The following FHAD1 variants were observed in gnomAD, a reference collection of about 807,000 sequenced individuals.
The protein encoded by FHAD1 is forkhead-associated domain-containing protein 1.
A neutral mutation model predicts 191.3 loss-of-function variants in FHAD1; 146 were observed. The observed-to-expected ratio is 0.76, with a 90% CI of 0.67 to 0.88. FHAD1 has a LOEUF of 0.88. Ranked by LOEUF, FHAD1 falls within the 40% of genes least tolerant of loss-of-function variation. The pLI, the probability that FHAD1 is intolerant of heterozygous loss-of-function variation, is 0.00. For synonymous variants in FHAD1, 616 were observed against 672.3 expected (o/e 0.92, Z 1.29); for missense variants, 1,635 against 1,785.8 (o/e 0.92, Z 1.52).
Position 15,312,988 on chromosome 1 carries a change from G to T in FHAD1, c.1040-69G>T. 1 of 1,533,364 alleles carries T rather than the reference G, an allele frequency of 6.5e-7. No homozygotes were observed. Among genetic ancestry groups the T allele is most frequent in the Non-Finnish European group, 8.8e-7 (1 of 1,136,108 alleles). The allele number at this position is 1,533,364 out of a possible 1,614,324, so 95.0% of individuals were successfully genotyped here. ...TCAGTGCCAGGCTCGTCACAAACTG[G>T]TTGACAGCGGCAGCGATGACAGTCA... On this transcript the variant is annotated intron_variant, in intron 7 of 33. Transcript: ENST00000688493. The surrounding 1 kb of genome is among the most constrained non-coding windows in gnomAD (Gnocchi z 4.7).
chr1:15,360,978 G>A (rs774130733), intron 22 of FHAD1, among the ~76,000 whole-genome samples: 30 of 152,254 alleles, frequency 2.0e-4, no homozygotes, highest in Middle Eastern at 6.8e-3. Context: ...CAGGGCCAGC[G>A]AGGGCAGCGC....
chr1:15,286,732 G>A (rs1254460132), intron 3 of FHAD1, among the ~76,000 whole-genome samples: 2 of 152,184 alleles, frequency 1.3e-5, no homozygotes, highest in Non-Finnish European at 2.9e-5. Context: ...GAGAGAGGGA[G>A]GGAGATTTAC....
intron 2 of FHAD1, among the ~76,000 whole-genome samples, chr1:15,269,604 AT>A (rs1247773854): frequency 2.0e-5 from 3 of 152,190 alleles, no homozygotes; most frequent in Non-Finnish European, 4.4e-5. Flanking sequence ...TGAGTGTTCC[AT>A]GTCAGCCCAA....
At chr1:15,375,851 C>A in intron 28 of FHAD1, 121 bp downstream of exon 28, 1 of 1,119,734 alleles carries the variant, frequency 8.9e-7, no homozygotes, top group Non-Finnish European at 1.2e-6. Flanking sequence ...TGGCTGCTGT[C>A]TATACTCACT....
Position 15,374,588 on chromosome 1 carries a change from A to C in FHAD1, c.3534A>C (p.Glu1178Asp). ...AGCGTCAGAAAAAGGCCTTATCTGA[A>C]CTTCGAGCGCGAATTAAAGAACTCG... ...VIQRQKKALSELRARIKELEK... is the reference protein window; with the variant it reads ...VIQRQKKALSDLRARIKELEK... Residue 1178 changes from glutamate (E) to aspartate (D), a missense_variant, in exon 27 of 34, where the codon GAA becomes GAC. By Grantham distance (45) the Glu-to-Asp change is conservative (BLOSUM62 2). Coordinates refer to ENST00000688493, the MANE Select transcript of FHAD1 (RefSeq NM_001391957.1). 4.5e-6 allele frequency: 7 copies of C among 1,551,640 alleles called. No homozygotes were observed. The highest frequency in any genetic ancestry group is 6.1e-6 in the Non-Finnish European group (7 of 1,146,980).
chr1:15,399,544 C>A (rs1216799037), downstream of FHAD1, among the ~76,000 whole-genome samples: 4 of 151,646 alleles, frequency 2.6e-5, no homozygotes, highest in African/African-American at 9.7e-5. Flanking sequence ...CCAGCCTGGG[C>A]AACAGAGCAA....
chr1:15,258,834 C>T (rs866337382), intron 2 of FHAD1, among the ~76,000 whole-genome samples: 5 of 152,044 alleles, frequency 3.3e-5, no homozygotes, highest in Admixed American at 6.6e-5. Flanking sequence ...GTGATCCGCC[C>T]GCCTCGGCCT....
At chr1:15,252,608 C>T (rs1646921497) in intron 2 of FHAD1, among the ~76,000 whole-genome samples, 1 of 152,194 alleles carries the variant, frequency 6.6e-6, no homozygotes, top group Non-Finnish European at 1.5e-5. Flanking sequence ...TGGTCATCTC[C>T]CCAGCAGCCT....
At chr1:15,331,129 T>C (rs1019188762) in intron 14 of FHAD1, among the ~76,000 whole-genome samples, 4 of 152,084 alleles carry the variant, frequency 2.6e-5, no homozygotes, top group African/African-American at 4.8e-5. Context: ...ATTTCTTTGC[T>C]AAAACTCAGA....
rs1373920462 is a variant in FHAD1, at chr1:15,345,529, C to G, written c.2346+6C>G. 3 of 1,550,690 alleles carry G rather than the reference C, an allele frequency of 1.9e-6. No individual in the cohort carries two copies. Among genetic ancestry groups the G allele is most frequent in the Non-Finnish European group, 2.6e-6 (3 of 1,145,970 alleles). Reference sequence around the variant, plus strand: ...GCTTGGCCCGCCAGAAGGAGGTACGCTCGGGGAGATAGAGTCGGCTGAGCC... The same window carrying G: ...GCTTGGCCCGCCAGAAGGAGGTACGGTCGGGGAGATAGAGTCGGCTGAGCC... On this transcript the variant is annotated splice_donor_region_variant and intron_variant, in intron 18 of 33. Coordinates refer to ENST00000688493, the MANE Select transcript of FHAD1 (RefSeq NM_001391957.1).
chr1:15,339,378 C>T (rs748275242), intron 14 of FHAD1, 103 bp from the exon 15 acceptor site: 5 of 448,362 alleles, frequency 1.1e-5, no homozygotes, highest in Non-Finnish European at 2.0e-5. Context: ...TGGATGGCAG[C>T]TCACGTTGTT....
intron 15 of FHAD1, 44 bp downstream of exon 15, chr1:15,339,595 C>T (rs1281012438): frequency 1.9e-6 from 2 of 1,061,346 alleles, no homozygotes; most frequent in African/African-American, 3.4e-5. Flanking sequence ...ATTTCGGCCC[C>T]TGGTTGGCAT....
At chr1:15,359,907 G>A (rs148266241) in intron 21 of FHAD1, among the ~76,000 whole-genome samples, 1,539 of 151,890 alleles carry the variant, frequency 0.01, 32 homozygotes, top group African/African-American at 0.035. Flanking sequence ...CCGAGATCGC[G>A]CCACTGCACT....
intron 1 of FHAD1, among the ~76,000 whole-genome samples, chr1:15,237,968 T>C (rs191090631): frequency 8.5e-4 from 129 of 152,168 alleles, no homozygotes; most frequent in African/African-American, 2.3e-3. Flanking sequence ...GGAGCACTGT[T>C]GGCCAGGCGC....
At chr1:15,362,565 G>A in intron 22 of FHAD1, 77 bp from the exon 23 acceptor site, 1 of 1,216,932 alleles carries the variant, frequency 8.2e-7, no homozygotes, top group Non-Finnish European at 1.2e-6. Context: ...TGTAAGTTGT[G>A]AAAGACACAG....
downstream of FHAD1, among the ~76,000 whole-genome samples, chr1:15,398,531 A>C (rs1275951840): frequency 2.6e-5 from 4 of 152,072 alleles, no homozygotes; most frequent in Non-Finnish European, 5.9e-5. Flanking sequence ...TGAGTCTTGA[A>C]CCCAGGTTTC....
chr1:15,379,248 G>A (rs1379870731), intron 28 of FHAD1, among the ~76,000 whole-genome samples: 3 of 152,236 alleles, frequency 2.0e-5, no homozygotes, highest in African/African-American at 7.2e-5. Flanking sequence ...CAAGACAATT[G>A]TGGGGAGAGG....
intron 3 of FHAD1, among the ~76,000 whole-genome samples, chr1:15,278,775 G>A (rs970846052): frequency 6.6e-6 from 1 of 152,096 alleles, no homozygotes; most frequent in Non-Finnish European, 1.5e-5. Context: ...CTTTAAAACA[G>A]AACTTGGAGA....
At chr1:15,331,064 T>G (rs892122035) in intron 14 of FHAD1, among the ~76,000 whole-genome samples, 2 of 151,972 alleles carry the variant, frequency 1.3e-5, no homozygotes, top group Admixed American at 1.3e-4. Context: ...GGAAGGAAAG[T>G]GACAGAGAGT....
Sources: allele counts gnomAD v4.1 joint callset (sites outside exome capture counted in the v4.1 genomes callset), GRCh38; gene constraint gnomAD v4.1.1; non-coding constraint Gnocchi (gnomAD v3.1); transcripts MANE v1.5; gene names NCBI Gene and HGNC (gene_info 2026-07-23, HGNC 2026-07-21).